ELAPOR2: variants seen among roughly 807,000 people sequenced by gnomAD.
ELAPOR2 encodes the protein endosome/lysosome-associated apoptosis and autophagy regulator family member 2.
Under a neutral mutation model 120.7 loss-of-function variants are expected in ELAPOR2, and 89 were observed. The observed-to-expected ratio is 0.74, with a 90% confidence interval of 0.62 to 0.88. ELAPOR2 has a LOEUF of 0.88. Ranked by LOEUF, ELAPOR2 falls within the 40% of genes least tolerant of loss-of-function variation. The probability of loss-of-function intolerance (pLI) is 0.00; values close to 1 mark genes in which losing one functional copy is unlikely to be tolerated. For missense variants in ELAPOR2, 1,134 were observed against 1,251.6 expected, an observed-to-expected ratio of 0.91 and a Z score of 1.42; for synonymous variants, 444 against 444.9, an observed-to-expected ratio of 1.00 and a Z score of 0.03.
In ELAPOR2 at chr7:87,043,224, C is replaced by G. The variant is rs560648012; in HGVS notation, c.189+16101G>C. Among the ~76,000 whole-genome samples the G allele has an allele frequency of 6.7e-3, 1,019 of 151,592 alleles. 11 individuals carry two copies. Among genetic ancestry groups the G allele is most frequent in the African/African-American group, 0.023 (954 of 41,036 alleles). ...CCATTCCTTCTGAAACTATTCCAAT[C>G]AATAGAAAAAGAGGGAATCCTCCCT... On this transcript the variant is annotated intron_variant, in intron 1 of 21. Transcript: ENST00000450689.
intron 7 of ELAPOR2, 80 bp downstream of exon 7, chr7:86,938,728 T>C (rs1052661105): frequency 1.8e-5 from 27 of 1,464,130 alleles, no homozygotes; most frequent in African/African-American, 4.2e-5. Flanking sequence ...TCATACTTTA[T>C]GGGTGACTTC....
At chr7:87,026,535 T>C (rs190007551) in intron 1 of ELAPOR2, among the ~76,000 whole-genome samples, 58 of 152,160 alleles carry the variant, frequency 3.8e-4, no homozygotes, top group African/African-American at 1.2e-3. Context: ...AGTTAGAAAG[T>C]AATTTGGAAA....
chr7:86,970,782 T>G (rs368019839), intron 1 of ELAPOR2, among the ~76,000 whole-genome samples: 2 of 152,190 alleles, frequency 1.3e-5, no homozygotes, highest in Non-Finnish European at 2.9e-5. Context: ...CTAAGTAATA[T>G]GTATCTGATC....
At position 87,036,905 on chromosome 7, in the gene ELAPOR2, G is replaced by A. The variant is rs147169693; in HGVS notation, c.189+22420C>T. On this transcript the variant is annotated intron_variant, in intron 1 of 21. Transcript: ENST00000450689. ...CATACAATATGCCCAGATAACAAAC[G>A]TACAAATGTACCCCAATCTAAAAGT... is the stretch of plus-strand genomic sequence containing the variant. Among the ~76,000 whole-genome samples, 630 of 152,134 alleles carry A rather than the reference G, an allele frequency of 4.1e-3. 3 individuals carry two copies. The highest frequency in any genetic ancestry group is 0.015 in the African/African-American group (607 of 41,510).
At chr7:86,981,408 C>T (rs1362591804) in intron 1 of ELAPOR2, among the ~76,000 whole-genome samples, 1 of 152,162 alleles carries the variant, frequency 6.6e-6, no homozygotes. Flanking sequence ...CTGGCTTCTG[C>T]CCCCTCATGA....
intron 10 of ELAPOR2, among the ~76,000 whole-genome samples, chr7:86,924,335 T>C (rs1334029325): frequency 6.6e-6 from 1 of 151,196 alleles, no homozygotes; most frequent in Non-Finnish European, 1.5e-5. Flanking sequence ...CTCTATAAGA[T>C]CCAATTAAAG....
chr7:86,907,440 A>C (rs1287640179), intron 18 of ELAPOR2, among the ~76,000 whole-genome samples: 1 of 151,952 alleles, frequency 6.6e-6, no homozygotes, highest in Non-Finnish European at 1.5e-5. Flanking sequence ...CACTTAACAC[A>C]AACAGGACAA....
At position 87,006,826 on chromosome 7, in the gene ELAPOR2, T is replaced by C. The variant is rs181519391; in HGVS notation, c.190-41802A>G. Reference sequence around the variant, plus strand: ...ACCCAAATGTCCATCAACAGAAAAATAGGTAAATTGTGGTACAGTTATACA... The same window carrying C: ...ACCCAAATGTCCATCAACAGAAAAACAGGTAAATTGTGGTACAGTTATACA... On this transcript the variant is annotated intron_variant, in intron 1 of 21. Transcript: ENST00000450689. Among the ~76,000 whole-genome samples the C allele has an allele frequency of 1.8e-4, 28 of 151,894 alleles. No individual in the cohort carries two copies. The East Asian group carries it at 4.1e-3, about 22-fold the overall frequency.
At chr7:86,987,371 C>A (rs539427698) in intron 1 of ELAPOR2, among the ~76,000 whole-genome samples, 21 of 152,118 alleles carry the variant, frequency 1.4e-4, no homozygotes, top group Non-Finnish European at 3.1e-4. Context: ...TAAAGAGCTT[C>A]TGCACAGCAA....
At chr7:86,881,911 G>A (rs952929706) in intron 21 of ELAPOR2, among the ~76,000 whole-genome samples, 1 of 152,188 alleles carries the variant, frequency 6.6e-6, no homozygotes, top group Non-Finnish European at 1.5e-5. Context: ...ATAGGAAGTC[G>A]ACATTGAGTA....
Position 87,059,577 on chromosome 7 carries a change from C to G in ELAPOR2, c.-64G>C, listed in dbSNP as rs1328627432. 1 of 1,138,480 alleles carries G rather than the reference C, an allele frequency of 8.8e-7. No individual in the cohort carries two copies. Among genetic ancestry groups the G allele is most frequent in the African/African-American group, 1.6e-5 (1 of 60,996 alleles). 70.5% of individuals were successfully genotyped at this position (1,138,480 alleles called of 1,614,324 possible). A position where few individuals can be genotyped will look rare whatever the true frequency, so the allele number is the denominator to read the frequency against. ...GCCTTCCCGGGGTGCGGCGGCAGCT[C>G]CGGCTCCCGGGCCGCGACTGCTGTG... On this transcript the variant is annotated 5_prime_UTR_variant, in exon 1 of 22. Transcript: ENST00000450689.
intron 1 of ELAPOR2, among the ~76,000 whole-genome samples, chr7:87,021,284 A>C (rs561163136): frequency 5.9e-5 from 9 of 152,270 alleles, no homozygotes; most frequent in Non-Finnish European, 1.2e-4. Context: ...GACATACATA[A>C]TCTTGCCACC....
chr7:86,896,618 CTTCT>C (rs1188615277), intron 19 of ELAPOR2, among the ~76,000 whole-genome samples: 4 of 152,024 alleles, frequency 2.6e-5, no homozygotes, highest in Non-Finnish European at 5.9e-5. Context: ...TTCCTCTGTG[CTTCT>C]TTATTATGAT....
At chr7:87,059,223 G>A (rs1795355923) in intron 1 of ELAPOR2, 102 bp downstream of exon 1, 1 of 1,231,804 alleles carries the variant, frequency 8.1e-7, no homozygotes, top group African/African-American at 1.6e-5. Flanking sequence ...CCAAGCAAAG[G>A]AAAAGGGGAT....
chr7:86,969,625 C>A (rs552696019), intron 1 of ELAPOR2, among the ~76,000 whole-genome samples: 2 of 152,082 alleles, frequency 1.3e-5, no homozygotes, highest in Non-Finnish European at 2.9e-5. Flanking sequence ...ACAACACACA[C>A]AAAAAACATA....
intron 1 of ELAPOR2, among the ~76,000 whole-genome samples, chr7:86,985,851 T>A (rs1792711286): frequency 6.6e-6 from 1 of 151,456 alleles, no homozygotes; most frequent in African/African-American, 2.4e-5. Flanking sequence ...CAGTGTGTGA[T>A]GTTCCCCTTC....
At chr7:87,029,052 T>C (rs1016791026) in intron 1 of ELAPOR2, among the ~76,000 whole-genome samples, 2 of 152,230 alleles carry the variant, frequency 1.3e-5, no homozygotes, top group Non-Finnish European at 2.9e-5. Flanking sequence ...TCTGACTTTT[T>C]AGATAGACAC....
intron 1 of ELAPOR2, among the ~76,000 whole-genome samples, chr7:86,970,992 A>G (rs1340441686): frequency 1.3e-5 from 2 of 152,188 alleles, no homozygotes; most frequent in African/African-American, 2.4e-5. Context: ...TGAACAAAAT[A>G]TCCAATTCTC....
At chr7:87,023,271 C>T (rs1377556995) in intron 1 of ELAPOR2, among the ~76,000 whole-genome samples, 1 of 152,182 alleles carries the variant, frequency 6.6e-6, no homozygotes, top group East Asian at 1.9e-4. Context: ...CCAGTTTCAG[C>T]TTTCTACATA....
Sources: allele counts gnomAD v4.1 joint callset (sites outside exome capture counted in the v4.1 genomes callset), GRCh38; gene constraint gnomAD v4.1.1; transcripts MANE v1.5; gene names NCBI Gene and HGNC (gene_info 2026-07-23, HGNC 2026-07-21).